ROBO1: variants seen among roughly 807,000 people sequenced by gnomAD.
ROBO1 encodes the protein roundabout homolog 1.
Under a neutral mutation model 195.9 loss-of-function variants are expected in ROBO1, and 149 were observed. The observed-to-expected ratio is 0.76, with a 90% CI of 0.67 to 0.87. The LOEUF (loss-of-function observed/expected upper bound fraction) is 0.87. ROBO1 is among the 40% of genes least tolerant of loss of function. ROBO1 has a pLI of 0.00. For synonymous variants in ROBO1, 816 were observed against 733.2 expected (o/e 1.11, Z -1.82); for missense variants, 1,933 against 2,068.3 (o/e 0.93, Z 1.27).
intron 4 of ROBO1, among the ~76,000 whole-genome samples, chr3:78,894,699 C>A (rs1056659239): frequency 2.7e-4 from 41 of 152,184 alleles, no homozygotes; most frequent in African/African-American, 9.2e-4. Context: ...TCCACCAAAA[C>A]TTCCCAAAAT....
At chr3:79,076,017 G>A (rs184982897) in intron 3 of ROBO1, among the ~76,000 whole-genome samples, 1 of 151,302 alleles carries the variant, frequency 6.6e-6, no homozygotes, top group African/African-American at 2.4e-5. Context: ...AGCTGCCATT[G>A]CTATTTATGT....
chr3:79,366,861 TAAG>T (rs376502570), intron 2 of ROBO1, among the ~76,000 whole-genome samples: 27 of 149,588 alleles, frequency 1.8e-4, no homozygotes, highest in Middle Eastern at 3.4e-3. Context: ...ATTAGTCTCT[TAAG>T]AATATTCTAT....
intron 4 of ROBO1, among the ~76,000 whole-genome samples, chr3:78,748,713 C>A (rs919016952): frequency 6.6e-6 from 1 of 151,876 alleles, no homozygotes; most frequent in African/African-American, 2.4e-5. Flanking sequence ...TGTATCCATT[C>A]GAGTAAGTTA....
chr3:78,626,859 A>G (rs1377110081), intron 26 of ROBO1, among the ~76,000 whole-genome samples: 1 of 152,124 alleles, frequency 6.6e-6, no homozygotes, highest in Admixed American at 6.6e-5. Context: ...CAAAAAGACT[A>G]TGAGAAACTC....
intron 3 of ROBO1, among the ~76,000 whole-genome samples, chr3:78,984,565 G>A (rs976596328): frequency 1.3e-5 from 2 of 152,170 alleles, no homozygotes; most frequent in Non-Finnish European, 2.9e-5. Flanking sequence ...CATGCTTTCA[G>A]TGTATTTCTC....
chr3:79,453,670 C>T (rs552445532), intron 2 of ROBO1, among the ~76,000 whole-genome samples: 13 of 151,982 alleles, frequency 8.6e-5, no homozygotes, highest in African/African-American at 2.7e-4. Context: ...CATCAAAAGC[C>T]GAGTGCTGAA....
chr3:78,821,338 G>A (rs933968787), intron 4 of ROBO1, among the ~76,000 whole-genome samples: 1 of 151,494 alleles, frequency 6.6e-6, no homozygotes, highest in Non-Finnish European at 1.5e-5. Flanking sequence ...GCTAATTTTT[G>A]TATTTTTAGT....
chr3:79,433,475 A>G (rs535620744), intron 2 of ROBO1, among the ~76,000 whole-genome samples: 29 of 152,134 alleles, frequency 1.9e-4, no homozygotes, highest in African/African-American at 6.0e-4. Context: ...ACATCCTCAC[A>G]TCAGACTTGC....
chr3:79,711,288 T>C (rs1702266481), intron 1 of ROBO1, among the ~76,000 whole-genome samples: 1 of 152,150 alleles, frequency 6.6e-6, no homozygotes, highest in Non-Finnish European at 1.5e-5. Flanking sequence ...ACCTATACTG[T>C]TCATCAACTT....
At chr3:79,500,169 C>A (rs916556163) in intron 2 of ROBO1, among the ~76,000 whole-genome samples, 2 of 126,762 alleles carry the variant, frequency 1.6e-5, no homozygotes, top group African/African-American at 6.0e-5. Context: ...CTCGCTCTGT[C>A]GCCCAGGTTG....
At chr3:79,441,567 A>G (rs994710488) in intron 2 of ROBO1, among the ~76,000 whole-genome samples, 1 of 152,124 alleles carries the variant, frequency 6.6e-6, no homozygotes, top group African/African-American at 2.4e-5. Context: ...CAGCGAGAAA[A>G]TAGAATAAGA....
chr3:79,118,243 T>C (rs2080045711), intron 3 of ROBO1, among the ~76,000 whole-genome samples: 1 of 151,938 alleles, frequency 6.6e-6, no homozygotes, highest in East Asian at 1.9e-4. Flanking sequence ...GGGTTTTTTT[T>C]TTTTTTTGCA....
At chr3:79,383,375 A>T (rs1290510580) in intron 2 of ROBO1, among the ~76,000 whole-genome samples, 1 of 152,064 alleles carries the variant, frequency 6.6e-6, no homozygotes. Context: ...TACCATGTTT[A>T]AAACTGTCAA....
At chr3:79,030,847 A>C (rs189576937) in intron 3 of ROBO1, among the ~76,000 whole-genome samples, 1 of 152,148 alleles carries the variant, frequency 6.6e-6, no homozygotes, top group Admixed American at 6.6e-5. Flanking sequence ...TCAGCCTCCC[A>C]AGTAGCTGGG....
At chr3:78,683,539 C>T (rs2080980932) in intron 10 of ROBO1, among the ~76,000 whole-genome samples, 1 of 151,934 alleles carries the variant, frequency 6.6e-6, no homozygotes, top group Non-Finnish European at 1.5e-5. Context: ...ATAATTAACA[C>T]ATATGGGCCG....
intron 1 of ROBO1, among the ~76,000 whole-genome samples, chr3:79,673,373 A>T (rs1285148391): frequency 2.6e-5 from 4 of 151,834 alleles, no homozygotes; most frequent in Admixed American, 1.3e-4. Flanking sequence ...TAACCAGTAA[A>T]CAAAGAAATA....
intron 2 of ROBO1, among the ~76,000 whole-genome samples, chr3:79,354,955 C>A (rs560984650): frequency 6.6e-6 from 1 of 152,160 alleles, no homozygotes; most frequent in Admixed American, 6.5e-5. Context: ...ATCACGAGGT[C>A]AGGAGTTCAA....
At chr3:79,750,059 A>C (rs1704061876) in intron 1 of ROBO1, among the ~76,000 whole-genome samples, 1 of 152,216 alleles carries the variant, frequency 6.6e-6, no homozygotes, top group Admixed American at 6.5e-5. Flanking sequence ...GTACCCTGCA[A>C]AGGCACAGGG....
Position 78,856,293 on chromosome 3 carries a change from GAAA to G in ROBO1, c.499+82305_499+82307del, listed in dbSNP as rs1237662391. 2.3e-3 allele frequency among the ~76,000 whole-genome samples: 173 copies of G among 76,620 alleles called. 1 individual carries two copies. The highest frequency in any genetic ancestry group is 5.9e-3 in the African/African-American group (161 of 27,444). The allele number at this position is 76,620 out of a possible 152,430, so 50.3% of individuals were successfully genotyped here. A position where few individuals can be genotyped will look rare whatever the true frequency, so the allele number is the denominator to read the frequency against. The stretch of plus-strand genomic sequence containing the variant: ...ACAACAAATAACCTAGCAAAAAAAA[GAAA>G]AAAAAAAAAAAACAGTATGAGAAAA... On this transcript the variant is annotated intron_variant, in intron 4 of 30. Transcript: ENST00000464233.
Sources: allele counts gnomAD v4.1 joint callset (sites outside exome capture counted in the v4.1 genomes callset), GRCh38; gene constraint gnomAD v4.1.1; transcripts MANE v1.5; gene names NCBI Gene and HGNC (gene_info 2026-07-23, HGNC 2026-07-21).